The following PCDHGA5 variants were observed in gnomAD, a reference collection of about 807,000 sequenced individuals.
PCDHGA5 encodes the protein protocadherin gamma subfamily A, 5.
Under a neutral mutation model 56.7 loss-of-function variants are expected in PCDHGA5, and 36 were observed. The observed-to-expected ratio is 0.64, with a 90% CI of 0.49 to 0.84. PCDHGA5 has a LOEUF of 0.84. Ranked by LOEUF, PCDHGA5 falls within the 40% of genes least tolerant of loss-of-function variation. PCDHGA5 has a pLI of 0.00. For missense variants in PCDHGA5, 1,305 were observed against 1,201.5 expected, an observed-to-expected ratio of 1.09 and a Z score of -1.27; for synonymous variants, 563 against 520.2, an observed-to-expected ratio of 1.08 and a Z score of -1.12.
chr5:141,390,583 AATGAG>A (rs1352765004), intron 1 of PCDHGA5: 1 of 348,204 alleles, frequency 2.9e-6, no homozygotes, highest in Non-Finnish European at 5.2e-6. Context: ...CTAAAAAGTG[AATGAG>A]ATTTTTCCTA....
At chr5:141,401,566 C>G (rs2094168998) in intron 1 of PCDHGA5, among the ~76,000 whole-genome samples, 1 of 152,312 alleles carries the variant, frequency 6.6e-6, no homozygotes, top group African/African-American at 2.4e-5. Context: ...CTGAATTTCT[C>G]TTGCTCGGAA....
intron 1 of PCDHGA5, chr5:141,409,594 C>A: frequency 1.2e-6 from 2 of 1,613,900 alleles, no homozygotes; most frequent in Non-Finnish European, 1.7e-6. Flanking sequence ...TGGCCGAGAA[C>A]AACCCGCCAG....
intron 1 of PCDHGA5, chr5:141,424,504 G>GT (rs892941709): frequency 6.6e-6 from 1 of 152,016 alleles, no homozygotes; most frequent in African/African-American, 2.4e-5. Context: ...TGTATGGAAG[G>GT]TTTTTTAATG....
chr5:141,421,040 C>T (rs2096541229), intron 1 of PCDHGA5: 1 of 545,472 alleles, frequency 1.8e-6, no homozygotes, highest in East Asian at 3.1e-5. Context: ...GTCCCTCCCT[C>T]CCCCGCCTCT....
intron 1 of PCDHGA5, among the ~76,000 whole-genome samples, chr5:141,473,831 A>G (rs950283433): frequency 1.3e-5 from 2 of 152,252 alleles, no homozygotes; most frequent in African/African-American, 4.8e-5. Context: ...GTGTGATCCA[A>G]TTAAAATTTT....
In PCDHGA5 at chr5:141,366,498, G is replaced by A; in HGVS notation, c.2168G>A (p.Arg723His). 1 of 1,614,246 alleles carries A rather than the reference G, an allele frequency of 6.2e-7. No homozygotes were observed. Among genetic ancestry groups the A allele is most frequent in the Non-Finnish European group, 8.5e-7 (1 of 1,180,046 alleles). ...AGACTGAGGCGCTGGCACAAGTCAC[G>A]CCTGCTTCAGGCTGAAGGCAGCAGG... The part of the protein sequence containing the change: ...VLRLRRWHKS[R>H]LLQAEGSRLA... The change falls in exon 1 of 4, where the codon CGC becomes CAC. Residue 723 changes from arginine to histidine, a missense_variant. Physicochemically the swap from Arg to His is conservative, Grantham distance 29. Coordinates refer to ENST00000518069, the MANE Select transcript of PCDHGA5 (RefSeq NM_018918.3).
Position 141,447,955 on chromosome 5 carries a change from G to A in PCDHGA5, c.2422-46852G>A, listed in dbSNP as rs536740280. On this transcript the variant is annotated intron_variant, in intron 1 of 3. Coordinates refer to ENST00000518069, the MANE Select transcript of PCDHGA5 (RefSeq NM_018918.3). ...ACAAAAATTAGCTGGGCATGGTGGC[G>A]GACACCTATAATCCCAGCTACTCGG... Among the ~76,000 whole-genome samples the A allele has an allele frequency of 1.6e-4, 24 of 151,898 alleles. 1 individual carries two copies. The highest frequency in any genetic ancestry group is 8.3e-4 in the South Asian group (4 of 4,816).
chr5:141,399,620 CCTCTT>C (rs1251716471), intron 1 of PCDHGA5: 1 of 1,613,940 alleles, frequency 6.2e-7, no homozygotes, highest in Non-Finnish European at 8.5e-7. Context: ...CTGGCACTGG[CCTCTT>C]ACGTGTCCAT....
intron 1 of PCDHGA5, chr5:141,415,759 T>TTTG: frequency 3.7e-6 from 5 of 1,352,140 alleles, no homozygotes; most frequent in Non-Finnish European, 4.8e-6. Flanking sequence ...TTTTTTTTTT[T>TTTG]TTTTTTTTTT....
rs375080564 is a variant in PCDHGA5 at position 141,486,676 on chromosome 5, T to C, written c.2422-8131T>C. On this transcript the variant is annotated intron_variant, in intron 1 of 3. Transcript: ENST00000518069. The surrounding 1 kb of genome is among the most constrained non-coding windows in gnomAD (Gnocchi z 5.0). ...CACTCCTGGAGCCCAGGAATCGAGA[T>C]GTATCAGCTTCCTCTTTCATCTCTC... The C allele has an allele frequency of 6.2e-7, 1 of 1,614,120 alleles. No homozygotes were observed. The highest frequency in any genetic ancestry group is 1.7e-5 in the Admixed American group (1 of 60,032).
In PCDHGA5 at chr5:141,421,081, A is replaced by C. The variant is rs775366249; in HGVS notation, c.2421+54330A>C. 61 of 637,820 alleles carry C rather than the reference A, an allele frequency of 9.6e-5. 1 individual carries two copies. The Middle Eastern group carries it at 2.9e-3, about 31-fold the overall frequency. The allele number at this position is 637,820 out of a possible 1,614,324, so 39.5% of individuals were successfully genotyped here. ...ACAAAGCGGAATGAGATGGATACTCACAGATCCTGACACTGGAGACTTAGA... is the reference window on the plus strand; with the variant it reads ...ACAAAGCGGAATGAGATGGATACTCCCAGATCCTGACACTGGAGACTTAGA... On this transcript the variant is annotated intron_variant, in intron 1 of 3. Coordinates refer to ENST00000518069, the MANE Select transcript of PCDHGA5 (RefSeq NM_018918.3).
chr5:141,473,274 TA>T (rs2099318463), intron 1 of PCDHGA5, among the ~76,000 whole-genome samples: 1 of 152,210 alleles, frequency 6.6e-6, no homozygotes, highest in South Asian at 2.1e-4. Context: ...ATGCTATGAT[TA>T]TTTTACTATG....
chr5:141,442,321 C>G (rs1323525940), intron 1 of PCDHGA5: 1 of 152,360 alleles, frequency 6.6e-6, no homozygotes, highest in African/African-American at 2.4e-5. Context: ...ATGTCTATCC[C>G]GCGCTAAGCC....
In PCDHGA5 at chr5:141,492,378, C is replaced by T. The variant is rs144479033; in HGVS notation, c.2422-2429C>T. Among the ~76,000 whole-genome samples the T allele has an allele frequency of 1.7e-3, 262 of 152,360 alleles. 2 individuals are homozygous for T. The highest frequency in any genetic ancestry group is 3.0e-3 in the Non-Finnish European group (207 of 68,026). On this transcript the variant is annotated intron_variant, in intron 1 of 3. Coordinates refer to ENST00000518069, the MANE Select transcript of PCDHGA5 (RefSeq NM_018918.3). ...CTCGCTCGCGGCCAGATTCACAGGCCTGTTCCGGTCCACTCGCAGCTCCCC... is the reference window on the plus strand; with the variant it reads ...CTCGCTCGCGGCCAGATTCACAGGCTTGTTCCGGTCCACTCGCAGCTCCCC...
Position 141,375,514 on chromosome 5 carries a change from G to A in PCDHGA5, c.2421+8763G>A, listed in dbSNP as rs1345928950. On this transcript the variant is annotated intron_variant, in intron 1 of 3. Transcript: ENST00000518069. The stretch of plus-strand genomic sequence containing the variant: ...CCTCCATCTTCTCTGTGAATGCACT[G>A]GACCCTGACGTGGACCAGAACGCCC... 3.1e-6 allele frequency: 5 copies of A among 1,613,836 alleles called. No homozygotes were observed. In the African/African-American group the frequency reaches 4.0e-5, roughly 13 times the overall value.
At chr5:141,438,875 A>G (rs2098071820) in intron 1 of PCDHGA5, among the ~76,000 whole-genome samples, 1 of 151,738 alleles carries the variant, frequency 6.6e-6, no homozygotes. Flanking sequence ...CAAGTTGGCC[A>G]GGCTGCTCTT....
At position 141,364,710 on chromosome 5, in the gene PCDHGA5, A is replaced by G. The variant is rs778155346; in HGVS notation, c.380A>G (p.Asn127Ser). 12 of 1,613,886 alleles carry G rather than the reference A, an allele frequency of 7.4e-6. No individual in the cohort carries two copies. Among genetic ancestry groups the G allele is most frequent in the Non-Finnish European group, 8.5e-7 (1 of 1,179,902 alleles). Residue 127 changes from asparagine to serine, a missense_variant, in exon 1 of 4, where the codon AAT (asparagine) becomes AGT (serine). Coordinates refer to ENST00000518069, the MANE Select transcript of PCDHGA5 (RefSeq NM_018918.3). Reference protein sequence around the residue: ...YGVEVEIIDINDNFPRFRDEE... With the variant: ...YGVEVEIIDISDNFPRFRDEE... ...GTAGAAGTAGAAATAATCGATATTAATGATAACTTCCCGCGTTTCCGGGAT... is the reference window on the plus strand; with the variant it reads ...GTAGAAGTAGAAATAATCGATATTAGTGATAACTTCCCGCGTTTCCGGGAT...
chr5:141,384,922 C>A (rs760972840), intron 1 of PCDHGA5: 1 of 1,614,018 alleles, frequency 6.2e-7, no homozygotes, highest in African/African-American at 1.3e-5. Context: ...CTTGGCCGAC[C>A]TGGGCAGCCT....
At chr5:141,410,508 G>C in intron 1 of PCDHGA5, 2 of 1,613,968 alleles carry the variant, frequency 1.2e-6, no homozygotes, top group Non-Finnish European at 8.5e-7. Flanking sequence ...TTCCTAAAAT[G>C]CAGTGTGCCC....
Sources: allele counts gnomAD v4.1 joint callset (sites outside exome capture counted in the v4.1 genomes callset), GRCh38; gene constraint gnomAD v4.1.1; non-coding constraint Gnocchi (gnomAD v3.1); transcripts MANE v1.5; gene names NCBI Gene and HGNC (gene_info 2026-07-23, HGNC 2026-07-21).